Variants in IQSEC1 observed in about 807,000 individuals in gnomAD.
IQSEC1 encodes the protein IQ motif and Sec7 domain ArfGEF 1, also known as IQ motif and SEC7 domain-containing protein 1.
In IQSEC1, 31 loss-of-function variants were observed where a neutral mutation model predicts 91.0. That is an observed-to-expected ratio of 0.34 (90% CI 0.26 to 0.46). The LOEUF (loss-of-function observed/expected upper bound fraction) is 0.46, where lower values mean the gene tolerates loss of function less well. IQSEC1 is among the 20% of genes least tolerant of loss of function. The pLI is 1.00. For missense variants in IQSEC1, 1,388 were observed against 1,575.6 expected, an observed-to-expected ratio of 0.88 and a Z score of 2.02; for synonymous variants, 699 against 662.6, an observed-to-expected ratio of 1.05 and a Z score of -0.84.
chr3:12,924,803 A>T lies in IQSEC1; in HGVS notation c.1569-61T>A. The T allele has an allele frequency of 6.8e-7, 1 of 1,469,356 alleles. No individual in the cohort carries two copies. 91.0% of individuals were successfully genotyped at this position (1,469,356 alleles called of 1,614,324 possible). A position where few individuals can be genotyped will look rare whatever the true frequency, so the allele number is the denominator to read the frequency against. On this transcript the variant is annotated intron_variant, in intron 3 of 13. Transcript: ENST00000613206. This position sits in a 1 kb window ranked among gnomAD's most constrained non-coding sequence, Gnocchi z 6.3. The stretch of plus-strand genomic sequence containing the variant: ...GCCCGGCCACCAGCCAGGCACCTGG[A>T]GGGGATCTCCGCTCAGTGGACGGTC...
chr3:13,167,598 G>C (rs1693523132), intron 1 of IQSEC1, among the ~76,000 whole-genome samples: 1 of 152,124 alleles, frequency 6.6e-6, no homozygotes, highest in East Asian at 1.9e-4. Flanking sequence ...GCACTTGGGG[G>C]GGCAAAAGCA....
chr3:13,217,290 C>T (rs760878700), intron 1 of IQSEC1, among the ~76,000 whole-genome samples: 3 of 152,202 alleles, frequency 2.0e-5, no homozygotes, highest in Non-Finnish European at 4.4e-5. Flanking sequence ...ATCTTCAGCC[C>T]CCAGCAATCA....
chr3:13,176,108 G>C (rs1389924525), intron 1 of IQSEC1, among the ~76,000 whole-genome samples: 3 of 152,192 alleles, frequency 2.0e-5, no homozygotes, highest in Non-Finnish European at 4.4e-5. Flanking sequence ...GCAACCTATG[G>C]AGAGCTCCAC....
chr3:13,135,604 G>T (rs1167864969), intron 2 of IQSEC1, among the ~76,000 whole-genome samples: 1 of 152,246 alleles, frequency 6.6e-6, no homozygotes, highest in Non-Finnish European at 1.5e-5. Context: ...AGGGAGTCGG[G>T]ACGCAGCCCC....
intron 1 of IQSEC1, among the ~76,000 whole-genome samples, chr3:13,072,470 C>A (rs1705467852): frequency 6.6e-6 from 1 of 152,238 alleles, no homozygotes; most frequent in Admixed American, 6.5e-5. Context: ...GCTCTGCTGC[C>A]AGCCCACAGA....
chr3:13,106,442 T>C (rs560787106), intron 2 of IQSEC1, among the ~76,000 whole-genome samples: 1 of 152,280 alleles, frequency 6.6e-6, no homozygotes, highest in South Asian at 2.1e-4. Context: ...ATATGTCAGG[T>C]GTGGTTCTAA....
chr3:13,132,735 T>C (rs747893524), intron 2 of IQSEC1, among the ~76,000 whole-genome samples: 5 of 152,232 alleles, frequency 3.3e-5, no homozygotes, highest in Non-Finnish European at 7.3e-5. Flanking sequence ...TCCATGCATC[T>C]TGTCCATGTG....
intron 1 of IQSEC1, among the ~76,000 whole-genome samples, chr3:13,051,229 A>G (rs749956477): frequency 2.0e-5 from 3 of 152,136 alleles, no homozygotes; most frequent in Non-Finnish European, 2.9e-5. Flanking sequence ...CAAGCAGCCC[A>G]TTCCAGCCAT....
At chr3:12,931,968 C>T (rs1244602305) in intron 3 of IQSEC1, among the ~76,000 whole-genome samples, 1 of 152,244 alleles carries the variant, frequency 6.6e-6, no homozygotes, top group East Asian at 1.9e-4. Flanking sequence ...AAGCTTCTCA[C>T]TCCTTTTTGA....
rs1701559456 is a variant in IQSEC1, at chr3:12,983,290, G to A, written c.24-41425C>T. 6.6e-6 allele frequency among the ~76,000 whole-genome samples: 1 copy of A among 152,228 alleles called. No individual in the cohort carries two copies. The highest frequency in any genetic ancestry group is 1.5e-5 in the Non-Finnish European group (1 of 68,032). ...TGGCAAATTTAGATCAGATTAAAAC[G>A]ACAGCTCAGGGCACAGCTGGTAGAG... On this transcript the variant is annotated intron_variant, in intron 1 of 13. Coordinates refer to ENST00000613206, the MANE Select transcript of IQSEC1 (RefSeq NM_001134382.3). The surrounding 1 kb of genome is among the most constrained non-coding windows in gnomAD (Gnocchi z 4.3).
chr3:13,057,683 G>A (rs1488235994), intron 1 of IQSEC1, among the ~76,000 whole-genome samples: 2 of 152,162 alleles, frequency 1.3e-5, no homozygotes, highest in African/African-American at 4.8e-5. Context: ...CAGACATCCC[G>A]CCTGCCAGCC....
At position 13,282,338 on chromosome 3, in the gene IQSEC1, C is replaced by G. The variant is rs1396688496; in HGVS notation, c.272+373G>C. Among the ~76,000 whole-genome samples, 1 of 152,170 alleles carries G rather than the reference C, an allele frequency of 6.6e-6. No homozygotes were observed. Among genetic ancestry groups the G allele is most frequent in the Non-Finnish European group, 1.5e-5 (1 of 67,996 alleles). ...TCTCGGGATCTCTGGGTCGGAAGTTCTCGCCCTGCTGCTCCGAGACCTAGG... is the reference window on the plus strand; with the variant it reads ...TCTCGGGATCTCTGGGTCGGAAGTTGTCGCCCTGCTGCTCCGAGACCTAGG... On this transcript the variant is annotated intron_variant, in intron 1 of 15. Coordinates refer to the IQSEC1 transcript ENST00000648114. This position sits in a 1 kb window ranked among gnomAD's most constrained non-coding sequence, Gnocchi z 6.4.
intron 1 of IQSEC1, among the ~76,000 whole-genome samples, chr3:12,995,462 T>C (rs1430021605): frequency 1.3e-5 from 2 of 152,228 alleles, no homozygotes; most frequent in African/African-American, 4.8e-5. Flanking sequence ...AGGAGGATTA[T>C]TCATTTACTT....
intron 1 of IQSEC1, among the ~76,000 whole-genome samples, chr3:12,998,358 A>C (rs1411527437): frequency 6.6e-6 from 1 of 152,216 alleles, no homozygotes; most frequent in Non-Finnish European, 1.5e-5. Flanking sequence ...CTCAAAAAAA[A>C]CAAACAACAA....
chr3:13,225,045 C>T (rs140140164), intron 1 of IQSEC1, among the ~76,000 whole-genome samples: 7 of 152,368 alleles, frequency 4.6e-5, no homozygotes, highest in African/African-American at 1.7e-4. Flanking sequence ...GACATTCTGC[C>T]TTTACCTGGT....
In IQSEC1 at chr3:12,899,838, G is replaced by A. The variant is rs562121614; in HGVS notation, c.*1145C>T. 1.9e-4 allele frequency: 186 copies of A among 985,366 alleles called. 1 individual carries two copies. The South Asian group carries it at 7.3e-3, about 39-fold the overall frequency. 61.0% of individuals were successfully genotyped at this position (985,366 alleles called of 1,614,324 possible). ...TGTGGGTTGGAGGCGGGATGAGGAC[G>A]TTATGGTGTTGGGGAGACGAGGATG... On this transcript the variant is annotated 3_prime_UTR_variant, in exon 14 of 14. Coordinates refer to ENST00000613206, the MANE Select transcript of IQSEC1 (RefSeq NM_001134382.3).
intron 1 of IQSEC1, among the ~76,000 whole-genome samples, chr3:13,166,321 T>C (rs1165789666): frequency 6.6e-6 from 1 of 152,252 alleles, no homozygotes; most frequent in Non-Finnish European, 1.5e-5. Flanking sequence ...TCTATCTGCC[T>C]CAGTAGGACG....
chr3:13,174,761 C>T (rs1280128768), intron 1 of IQSEC1, among the ~76,000 whole-genome samples: 2 of 152,130 alleles, frequency 1.3e-5, no homozygotes, highest in Non-Finnish European at 2.9e-5. Context: ...GCTCACAGCC[C>T]CCTCAGAGCT....
At chr3:13,263,436 G>GT (rs1201448492) in intron 1 of IQSEC1, among the ~76,000 whole-genome samples, 1 of 126,508 alleles carries the variant, frequency 7.9e-6, no homozygotes, top group Non-Finnish European at 1.7e-5. Flanking sequence ...TTGGGGGGGG[G>GT]GGGAAAGTAC....
Sources: allele counts gnomAD v4.1 joint callset (sites outside exome capture counted in the v4.1 genomes callset), GRCh38; gene constraint gnomAD v4.1.1; non-coding constraint Gnocchi (gnomAD v3.1); transcripts MANE v1.5; gene names NCBI Gene and HGNC (gene_info 2026-07-23, HGNC 2026-07-21).